The following FAT3 variants were observed in gnomAD, a reference collection of about 807,000 sequenced individuals.
FAT3 encodes the protein FAT atypical cadherin 3.
In FAT3, 95 loss-of-function variants were observed where a neutral mutation model predicts 310.2. That is an observed-to-expected ratio of 0.31 (90% CI 0.26 to 0.36). The LOEUF is 0.36. Among genes scored for constraint, FAT3 ranks in the 10% least tolerant of loss-of-function variants. The probability of loss-of-function intolerance (pLI) is 1.00; values close to 1 mark genes in which losing one functional copy is unlikely to be tolerated. For synonymous variants in FAT3, 2,314 were observed against 2,192.9 expected (o/e 1.06, Z -1.54); for missense variants, 5,408 against 5,715.6 (o/e 0.95, Z 1.74).
chr11:92,494,422 G>C (rs1376719639), intron 2 of FAT3, among the ~76,000 whole-genome samples: 2 of 151,988 alleles, frequency 1.3e-5, no homozygotes, highest in Non-Finnish European at 2.9e-5. Flanking sequence ...AAATATATGA[G>C]TGAATTTCAT....
At chr11:92,234,940 A>G (rs1486379959) in intron 1 of FAT3, among the ~76,000 whole-genome samples, 4 of 150,684 alleles carry the variant, frequency 2.7e-5, no homozygotes, top group African/African-American at 9.8e-5. Flanking sequence ...GCGTGGTGGC[A>G]CATGCCTGTA....
chr11:92,529,049 G>A (rs762899028), intron 3 of FAT3, among the ~76,000 whole-genome samples: 30 of 152,310 alleles, frequency 2.0e-4, no homozygotes, highest in Non-Finnish European at 3.1e-4. Context: ...AGTGCATGAC[G>A]TACCGTTGAT....
chr11:92,864,369 C>A (rs1027709276), intron 21 of FAT3, among the ~76,000 whole-genome samples: 3 of 152,144 alleles, frequency 2.0e-5, no homozygotes, highest in African/African-American at 7.2e-5. Flanking sequence ...AAAAGATACT[C>A]CCCAAAGTCA....
intron 2 of FAT3, among the ~76,000 whole-genome samples, chr11:92,484,159 C>T (rs765041546): frequency 5.9e-5 from 9 of 152,140 alleles, no homozygotes; most frequent in African/African-American, 1.7e-4. Context: ...GCATAGGATC[C>T]GCAAATTGGC....
intron 1 of FAT3, among the ~76,000 whole-genome samples, chr11:92,229,506 T>TTTTTTTTTTTTTC (rs764555925): frequency 9.6e-6 from 1 of 103,994 alleles, no homozygotes; most frequent in African/African-American, 3.7e-5. Context: ...TTTTTTTTTT[T>TTTTTTTTTTTTTC]GTTTTTTGTT....
intron 2 of FAT3, among the ~76,000 whole-genome samples, chr11:92,487,615 G>A (rs1408244137): frequency 6.6e-6 from 1 of 152,164 alleles, no homozygotes; most frequent in African/African-American, 2.4e-5. Flanking sequence ...TATATTGATA[G>A]ATAAAGAGGC....
chr11:92,260,233 G>GGT (rs148079384), intron 1 of FAT3, among the ~76,000 whole-genome samples: 11 of 151,850 alleles, frequency 7.2e-5, no homozygotes, highest in African/African-American at 2.4e-4. Context: ...AGCTTAAAGT[G>GGT]GTGTGTGTGT....
chr11:92,791,771 G>A (rs2136160751), intron 8 of FAT3, among the ~76,000 whole-genome samples: 1 of 152,256 alleles, frequency 6.6e-6, no homozygotes, highest in East Asian at 1.9e-4. Flanking sequence ...TATTTGATTA[G>A]TGCTACATCA....
intron 2 of FAT3, among the ~76,000 whole-genome samples, chr11:92,388,738 A>G (rs903933079): frequency 5.9e-5 from 9 of 152,162 alleles, no homozygotes; most frequent in East Asian, 3.9e-4. Flanking sequence ...GAAAAGTACT[A>G]TAATAAAAGA....
chr11:92,429,259 G>A (rs745949582), intron 2 of FAT3, among the ~76,000 whole-genome samples: 19 of 151,522 alleles, frequency 1.3e-4, no homozygotes, highest in Non-Finnish European at 2.2e-4. Flanking sequence ...CCTTTATTTT[G>A]AGCTTATGTG....
intron 23 of FAT3, among the ~76,000 whole-genome samples, chr11:92,882,432 T>C (rs1302458916): frequency 6.6e-6 from 1 of 152,116 alleles, no homozygotes; most frequent in Admixed American, 6.5e-5. Flanking sequence ...TTTCTCTTTC[T>C]CCTCCTCTCC....
intron 13 of FAT3, among the ~76,000 whole-genome samples, chr11:92,829,229 T>G (rs1458525524): frequency 6.6e-6 from 1 of 152,226 alleles, no homozygotes; most frequent in East Asian, 1.9e-4. Flanking sequence ...AGTCCTTGGT[T>G]AATGCATCAG....
chr11:92,668,046 AG>A (rs1308348869), intron 3 of FAT3, among the ~76,000 whole-genome samples: 1 of 152,216 alleles, frequency 6.6e-6, no homozygotes, highest in Non-Finnish European at 1.5e-5. Flanking sequence ...GCAGCATGAA[AG>A]CTGCATTGCT....
At chr11:92,669,721 T>C (rs1274909425) in intron 3 of FAT3, among the ~76,000 whole-genome samples, 6 of 152,164 alleles carry the variant, frequency 3.9e-5, no homozygotes, top group Non-Finnish European at 8.8e-5. Flanking sequence ...GGACAGGCAA[T>C]CCTAGTTTCC....
chr11:92,638,100 CT>C (rs1389221975), intron 3 of FAT3, among the ~76,000 whole-genome samples: 1 of 152,142 alleles, frequency 6.6e-6, no homozygotes, highest in Admixed American at 6.5e-5. Context: ...ATTTTATTGA[CT>C]TTACCTTCAA....
At chr11:92,504,804 A>G (rs1333886132) in intron 2 of FAT3, among the ~76,000 whole-genome samples, 1 of 152,166 alleles carries the variant, frequency 6.6e-6, no homozygotes, top group African/African-American at 2.4e-5. Flanking sequence ...CAGAAGACGA[A>G]TAAGACATTG....
intron 3 of FAT3, among the ~76,000 whole-genome samples, chr11:92,642,517 C>A (rs1942000976): frequency 6.6e-6 from 1 of 152,208 alleles, no homozygotes. Flanking sequence ...TGGATTTCAT[C>A]CTGACCAGAG....
chr11:92,350,920 TG>T (rs891178369), intron 1 of FAT3, among the ~76,000 whole-genome samples: 1 of 152,120 alleles, frequency 6.6e-6, no homozygotes, highest in South Asian at 2.1e-4. Context: ...AACTCATATT[TG>T]GGGGTTCTAA....
chr11:92,883,346 C>G lies in FAT3; in HGVS notation c.12890C>G (p.Ser4297Cys), dbSNP rs1949721599. 6.2e-7 allele frequency: 1 copy of G among 1,609,210 alleles called. No homozygotes were observed. The highest frequency in any genetic ancestry group is 8.5e-7 in the Non-Finnish European group (1 of 1,177,662). ...CTCCCCGCCGTGTCACCCTGCCGCTCCGACTGCGACTCCATCCGGAAGAAT... is the reference window on the plus strand; with the variant it reads ...CTCCCCGCCGTGTCACCCTGCCGCTGCGACTGCGACTCCATCCGGAAGAAT... ...PNLPAVSPCR[S>C]DCDSIRKNGW... Residue 4297 changes from serine (S) to cysteine (C), a missense_variant, in exon 24 of 28, where the codon TCC (serine) becomes TGC (cysteine). Transcript: ENST00000525166. The surrounding 1 kb of genome is among the most constrained non-coding windows in gnomAD (Gnocchi z 4.2).
Sources: allele counts gnomAD v4.1 joint callset (sites outside exome capture counted in the v4.1 genomes callset), GRCh38; gene constraint gnomAD v4.1.1; non-coding constraint Gnocchi (gnomAD v3.1); transcripts MANE v1.5; gene names NCBI Gene and HGNC (gene_info 2026-07-23, HGNC 2026-07-21).